DNAH12: variants seen among roughly 807,000 people sequenced by gnomAD.
The protein encoded by DNAH12 is axonemal beta dynein heavy chain 12.
Under a neutral mutation model 371.5 loss-of-function variants are expected in DNAH12, and 285 were observed. That is an observed-to-expected ratio of 0.77 (90% CI 0.70 to 0.85). DNAH12 has a LOEUF of 0.85. Ranked by LOEUF, DNAH12 falls within the 40% of genes least tolerant of loss-of-function variation. The probability of loss-of-function intolerance (pLI) is 0.00; values close to 1 mark genes in which losing one functional copy is unlikely to be tolerated. For missense variants in DNAH12, 3,611 were observed against 3,689.4 expected (o/e 0.98, Z 0.55); for synonymous variants, 1,200 against 1,213.0 (o/e 0.99, Z 0.22).
rs1204719172 is a variant in DNAH12, at chr3:57,301,863, A to T, written c.11266T>A (p.Leu3756Met). ...IKGVVVMDSA[L>M]EALSGSLLVG... ...AGTAAGCTACCGGAGAGTGCCTCCA[A>T]TGCAGAATCCATCACAACCACACCC... Residue 3756 changes from leucine (L) to methionine (M), a missense_variant, in exon 70 of 74, where the codon TTG (leucine) becomes ATG (methionine). Transcript: ENST00000495027. 13 of 1,551,538 alleles carry T rather than the reference A, an allele frequency of 8.4e-6. No individual in the cohort carries two copies. In the South Asian group the frequency reaches 1.1e-4, roughly 13 times the overall value.
chr3:57,440,352 G>C (rs896908438), intron 29 of DNAH12, among the ~76,000 whole-genome samples: 5 of 152,120 alleles, frequency 3.3e-5, no homozygotes, highest in Non-Finnish European at 7.4e-5. Context: ...CCATAAAAAA[G>C]AACAAAATCA....
At position 57,438,918 on chromosome 3, in the gene DNAH12, C is replaced by CAA. The variant is rs57608649; in HGVS notation, c.4546-1860_4546-1859dup. Among the ~76,000 whole-genome samples the CAA allele has an allele frequency of 3.1e-3, 290 of 94,530 alleles. 3 individuals are homozygous for CAA. Among genetic ancestry groups the CAA allele is most frequent in the African/African-American group, 9.3e-3 (231 of 24,942 alleles). The allele number at this position is 94,530 out of a possible 152,430, so 62.0% of individuals were successfully genotyped here. A position where few individuals can be genotyped will look rare whatever the true frequency, so the allele number is the denominator to read the frequency against. ...CAACAGAGTGAAACTCTGTCTCAGA[C>CAA]AAAAAAAAAAAAAAGGAAAGCAACT... is the stretch of plus-strand genomic sequence containing the variant. On this transcript the variant is annotated intron_variant, in intron 29 of 73. Transcript: ENST00000495027.
At position 57,369,631 on chromosome 3, in the gene DNAH12, C is replaced by T. The variant is rs1048837148; in HGVS notation, c.8760-1371G>A. On this transcript the variant is annotated intron_variant, in intron 55 of 73. Coordinates refer to ENST00000495027, the MANE Select transcript of DNAH12 (RefSeq NM_001366028.2). ...AGGTCCAGACGGTACTTAAAATCTA[C>T]TTTTCCTACCACAGCAAGAAAGCAA... Among the ~76,000 whole-genome samples, 155 of 152,214 alleles carry T rather than the reference C, an allele frequency of 1.0e-3. 1 individual carries two copies. The highest frequency in any genetic ancestry group is 3.5e-3 in the African/African-American group (147 of 41,552).
At chr3:57,503,904 T>G in intron 9 of DNAH12, 112 bp downstream of exon 9, 6 of 856,978 alleles carry the variant, frequency 7.0e-6, no homozygotes, top group Non-Finnish European at 8.3e-6. Context: ...TTTGAAATAA[T>G]TGGGGGAGGA....
chr3:57,399,373 A>C (rs920770030), intron 43 of DNAH12, among the ~76,000 whole-genome samples: 3 of 151,970 alleles, frequency 2.0e-5, no homozygotes, highest in Non-Finnish European at 2.9e-5. Context: ...CAATCAAAAG[A>C]CATAGAGTGG....
intron 1 of DNAH12, 113 bp from the exon 2 acceptor site, chr3:57,543,016 C>T (rs2069361995): frequency 5.4e-6 from 4 of 744,718 alleles, no homozygotes; most frequent in Non-Finnish European, 7.7e-6. Context: ...TTGGATCTTC[C>T]TCCCAAGTAT....
At chr3:57,477,258 C>T (rs933612054) in intron 13 of DNAH12, among the ~76,000 whole-genome samples, 19 of 152,178 alleles carry the variant, frequency 1.2e-4, no homozygotes, top group East Asian at 7.7e-4. Context: ...GTTTAGCAAA[C>T]GGCACACCAG....
At chr3:57,415,356 C>A in intron 38 of DNAH12, 70 bp downstream of exon 38, 1 of 1,498,006 alleles carries the variant, frequency 6.7e-7, no homozygotes, top group Non-Finnish European at 8.9e-7. Context: ...ATTTAATGTA[C>A]AATTTTAAAC....
chr3:57,429,827 G>T, intron 32 of DNAH12, 53 bp from the exon 33 acceptor site: 2 of 1,434,256 alleles, frequency 1.4e-6, no homozygotes, highest in Admixed American at 2.9e-5. Flanking sequence ...AAGTTTCTCA[G>T]ATAAAAATTT....
intron 13 of DNAH12, among the ~76,000 whole-genome samples, chr3:57,479,105 C>T (rs1244620187): frequency 6.6e-6 from 1 of 151,266 alleles, no homozygotes; most frequent in Non-Finnish European, 1.5e-5. Flanking sequence ...GGGCTAAATG[C>T]TCCAATTAAA....
In DNAH12 at chr3:57,516,053, C is replaced by CTTTTTTTT. The variant is rs11395278; in HGVS notation, c.280-5082_280-5075dup. Reference sequence around the variant, plus strand: ...CCACTCCATTAATGTACTGCTTAGTCTTTTTTTTTTTTTTTTTTTTTTTTT... The same window carrying CTTTTTTTT: ...CCACTCCATTAATGTACTGCTTAGTCTTTTTTTTTTTTTTTTTTTTTTTTTTTTTTTTT... On this transcript the variant is annotated intron_variant, in intron 4 of 73. Coordinates refer to ENST00000495027, the MANE Select transcript of DNAH12 (RefSeq NM_001366028.2). Among the ~76,000 whole-genome samples, 105 of 71,978 alleles carry CTTTTTTTT rather than the reference C, an allele frequency of 1.5e-3. 1 individual carries two copies. Among genetic ancestry groups the CTTTTTTTT allele is most frequent in the Non-Finnish European group, 1.6e-3 (69 of 42,024 alleles). 47.2% of individuals were successfully genotyped at this position (71,978 alleles called of 152,430 possible). A position where few individuals can be genotyped will look rare whatever the true frequency, so the allele number is the denominator to read the frequency against.
rs960701448 is a variant in DNAH12 at position 57,393,872 on chromosome 3, G to T, written c.7110+299C>A. On this transcript the variant is annotated intron_variant, in intron 44 of 73. Coordinates refer to ENST00000495027, the MANE Select transcript of DNAH12 (RefSeq NM_001366028.2). ...TAAAATCATGTTTTCTTACATCAATGTAACCTTAAGAGATGATTTAAAAAT... is the reference window on the plus strand; with the variant it reads ...TAAAATCATGTTTTCTTACATCAATTTAACCTTAAGAGATGATTTAAAAAT... 1.1e-4 allele frequency among the ~76,000 whole-genome samples: 17 copies of T among 152,014 alleles called. No homozygotes were observed. The South Asian group carries it at 3.5e-3, about 32-fold the overall frequency.
At position 57,421,673 on chromosome 3, in the gene DNAH12, C is replaced by T. The variant is rs778751831; in HGVS notation, c.5407G>A (p.Gly1803Arg). 3.9e-6 allele frequency: 6 copies of T among 1,551,574 alleles called. No homozygotes were observed. Among genetic ancestry groups the T allele is most frequent in the Non-Finnish European group, 5.2e-6 (6 of 1,146,972 alleles). The change falls in exon 36 of 74, where the codon GGA becomes AGA. Residue 1803 changes from glycine to arginine, a missense_variant. By Grantham distance (125) the Gly-to-Arg change is moderately radical. Transcript: ENST00000495027. ...CGGCCATCTGTATCACAACTTCCTCCAATCGACCAAATCAAAGAGAATATA... is the reference window on the plus strand; with the variant it reads ...CGGCCATCTGTATCACAACTTCCTCTAATCGACCAAATCAAAGAGAATATA... ...CFIFSLIWSI[G>R]GSCDTDGRRV...
At chr3:57,380,436 T>C (rs1284041849) in intron 50 of DNAH12, 69 bp from the exon 51 acceptor site, 1 of 152,224 alleles carries the variant, frequency 6.6e-6, no homozygotes, top group Non-Finnish European at 1.5e-5. Context: ...ATTTTTCTTC[T>C]TGAAGTTTAA....
intron 2 of DNAH12, among the ~76,000 whole-genome samples, chr3:57,532,461 T>A (rs2068883622): frequency 6.6e-6 from 1 of 152,168 alleles, no homozygotes; most frequent in Non-Finnish European, 1.5e-5. Context: ...CAGTCTGGGC[T>A]TGTTTGTGTC....
chr3:57,458,215 A>G lies in DNAH12; in HGVS notation c.2937T>C (p.Leu979=). Reference sequence around the variant, plus strand: ...ATAAACCTGTTAAAGAAGTGGCAGCAAGAACCTAAACGAGACACATGCATT... The same window carrying G: ...ATAAACCTGTTAAAGAAGTGGCAGCGAGAACCTAAACGAGACACATGCATT... ...MKFCAKDPKV[L]AATSLTGLLE... is the part of the protein sequence containing the mutation. Residue 979 remains leucine (L), a synonymous_variant, in exon 21 of 74, where the codon CTT becomes CTC. Transcript: ENST00000495027. 2 of 1,542,224 alleles carry G rather than the reference A, an allele frequency of 1.3e-6. No individual in the cohort carries two copies. Among genetic ancestry groups the G allele is most frequent in the Non-Finnish European group, 1.7e-6 (2 of 1,144,838 alleles).
intron 60 of DNAH12, among the ~76,000 whole-genome samples, chr3:57,343,625 G>A (rs565515001): frequency 1.5e-3 from 231 of 152,300 alleles, no homozygotes; most frequent in African/African-American, 5.0e-3. Flanking sequence ...CCCCCAGCCC[G>A]ACACCTGTAA....
At chr3:57,398,421 T>C (rs2063789247) in intron 43 of DNAH12, among the ~76,000 whole-genome samples, 2 of 152,320 alleles carry the variant, frequency 1.3e-5, no homozygotes, top group South Asian at 4.1e-4. Context: ...AAGAAGTGGA[T>C]ATAAAAATTC....
intron 11 of DNAH12, among the ~76,000 whole-genome samples, chr3:57,495,496 G>A (rs1000647188): frequency 6.6e-6 from 1 of 151,098 alleles, no homozygotes; most frequent in Non-Finnish European, 1.5e-5. Flanking sequence ...CAGAGGTGGA[G>A]GTTTCAGGGA....
Sources: gnomAD v4.1 joint callset for allele counts (sites outside exome capture counted in the v4.1 genomes callset) on GRCh38, gnomAD v4.1.1 for gene constraint, MANE v1.5 for transcripts, NCBI Gene and HGNC (gene_info 2026-07-23, HGNC 2026-07-21) for gene names.